Variants in TMEM132C observed in about 807,000 individuals in gnomAD.
TMEM132C encodes transmembrane protein 132C.
In TMEM132C, 29 loss-of-function variants were observed where a neutral mutation model predicts 61.4. That is an observed-to-expected ratio of 0.47 (90% CI 0.35 to 0.64). TMEM132C has a LOEUF of 0.64. Ranked by LOEUF, TMEM132C falls within the 30% of genes least tolerant of loss-of-function variation. TMEM132C has a pLI of 0.00. For synonymous variants in TMEM132C, 656 were observed against 633.1 expected (o/e 1.04, Z -0.54); for missense variants, 1,408 against 1,476.9 (o/e 0.95, Z 0.76).
At chr12:128,664,220 G>GACAGGCACA (rs879446402) in intron 4 of TMEM132C, among the ~76,000 whole-genome samples, 8 of 139,436 alleles carry the variant, frequency 5.7e-5, no homozygotes, top group South Asian at 2.1e-4. Flanking sequence ...ACATGCCTGT[G>GACAGGCACA]TGTGTTCCAT....
At position 128,616,146 on chromosome 12, in the gene TMEM132C, T is replaced by G; in HGVS notation, c.1122-6T>G. 1.3e-6 allele frequency: 2 copies of G among 1,550,774 alleles called. No homozygotes were observed. ...GCTTAAAGCCAGTTTCTTTTCTCTC[T>G]TCCAGGAGCAGCAGTTTATTCAATG... On this transcript the variant is annotated splice_region_variant and splice_polypyrimidine_tract_variant and intron_variant, in intron 3 of 8. Coordinates refer to ENST00000435159, the MANE Select transcript of TMEM132C (RefSeq NM_001136103.3).
chr12:128,387,475 G>A (rs1232611635), intron 1 of TMEM132C, among the ~76,000 whole-genome samples: 2 of 152,108 alleles, frequency 1.3e-5, no homozygotes, highest in African/African-American at 4.8e-5. Flanking sequence ...AGACTCCTCC[G>A]GCAATTCTAA....
In TMEM132C at chr12:128,529,331, G is replaced by T. The variant is rs564602433; in HGVS notation, c.975-14626G>T. ...TCTGGATCTAACAGCTAGTTTAAAGGAAATGCAAAGGATACAAGAAAAAAT... is the reference window on the plus strand; with the variant it reads ...TCTGGATCTAACAGCTAGTTTAAAGTAAATGCAAAGGATACAAGAAAAAAT... On this transcript the variant is annotated intron_variant, in intron 2 of 8. Coordinates refer to ENST00000435159, the MANE Select transcript of TMEM132C (RefSeq NM_001136103.3). Among the ~76,000 whole-genome samples, 49 of 152,084 alleles carry T rather than the reference G, an allele frequency of 3.2e-4. 1 individual carries two copies. Among genetic ancestry groups the T allele is most frequent in the African/African-American group, 1.1e-3 (46 of 41,492 alleles).
intron 1 of TMEM132C, among the ~76,000 whole-genome samples, chr12:128,306,204 TTC>T (rs1871771409): frequency 9.1e-6 from 1 of 109,494 alleles, no homozygotes; most frequent in South Asian, 3.2e-4. Flanking sequence ...TGTGAAGAAA[TTC>T]TTTTTTTTTT....
chr12:128,509,579 G>A (rs759709380), intron 2 of TMEM132C, among the ~76,000 whole-genome samples: 2 of 152,222 alleles, frequency 1.3e-5, no homozygotes, highest in Non-Finnish European at 2.9e-5. Context: ...TTTTGGGATA[G>A]TGAGTTTGGG....
intron 3 of TMEM132C, among the ~76,000 whole-genome samples, chr12:128,560,552 T>G (rs1218286955): frequency 2.6e-5 from 4 of 152,224 alleles, no homozygotes; most frequent in Non-Finnish European, 4.4e-5. Context: ...CAAGAGGCTA[T>G]CTGTGACCAC....
chr12:128,644,741 A>C (rs1227929748), intron 4 of TMEM132C, among the ~76,000 whole-genome samples: 1 of 152,202 alleles, frequency 6.6e-6, no homozygotes, highest in East Asian at 1.9e-4. Flanking sequence ...GTTTTATGGC[A>C]TGTATATTTC....
chr12:128,597,822 C>T (rs190259874), intron 3 of TMEM132C, among the ~76,000 whole-genome samples: 94 of 152,238 alleles, frequency 6.2e-4, no homozygotes, highest in African/African-American at 2.0e-3. Context: ...CTGCCTGAGG[C>T]GGGTGTTTAA....
chr12:128,381,940 T>G (rs1441348404), intron 1 of TMEM132C, among the ~76,000 whole-genome samples: 1 of 152,064 alleles, frequency 6.6e-6, no homozygotes, highest in African/African-American at 2.4e-5. Context: ...GGAAACCGTC[T>G]CGGATACACT....
intron 5 of TMEM132C, among the ~76,000 whole-genome samples, chr12:128,690,647 T>C (rs932189202): frequency 2.6e-5 from 4 of 152,204 alleles, no homozygotes; most frequent in Non-Finnish European, 5.9e-5. Flanking sequence ...GCTAATGCCT[T>C]CCCAGATCCA....
intron 2 of TMEM132C, among the ~76,000 whole-genome samples, chr12:128,509,680 C>A (rs922498672): frequency 5.9e-5 from 9 of 152,044 alleles, no homozygotes; most frequent in Non-Finnish European, 1.3e-4. Flanking sequence ...GTAGGGACGG[C>A]TGGAGAACTA....
chr12:128,354,644 T>C lies in TMEM132C; in HGVS notation c.86-60088T>C, dbSNP rs1018244110. 2.6e-5 allele frequency among the ~76,000 whole-genome samples: 4 copies of C among 151,972 alleles called. No homozygotes were observed. The East Asian group carries it at 5.8e-4, about 22-fold the overall frequency. ...AATAGAAGGAGGACTCAGGAAGAAA[T>C]GGAACTTTCCTGTCCTTCCTAGACA... On this transcript the variant is annotated intron_variant, in intron 1 of 8. Coordinates refer to ENST00000435159, the MANE Select transcript of TMEM132C (RefSeq NM_001136103.3).
chr12:128,412,026 A>G (rs1868571560), intron 1 of TMEM132C, among the ~76,000 whole-genome samples: 1 of 152,198 alleles, frequency 6.6e-6, no homozygotes, highest in Admixed American at 6.5e-5. Flanking sequence ...AAATTTACTC[A>G]CTATCATTCA....
chr12:128,370,895 C>G (rs1166313783), intron 1 of TMEM132C, among the ~76,000 whole-genome samples: 1 of 152,178 alleles, frequency 6.6e-6, no homozygotes, highest in African/African-American at 2.4e-5. Context: ...GAGGAGCTCA[C>G]TATGCCCCAG....
chr12:128,315,914 C>T (rs67442948), intron 1 of TMEM132C, among the ~76,000 whole-genome samples: 54,841 of 151,354 alleles, frequency 0.36, 10,774 homozygotes, highest in Non-Finnish European at 0.44. Flanking sequence ...CGGCATGGAA[C>T]AGATTATCTC....
intron 1 of TMEM132C, among the ~76,000 whole-genome samples, chr12:128,344,824 A>T (rs1231766329): frequency 6.6e-6 from 1 of 152,140 alleles, no homozygotes; most frequent in Non-Finnish European, 1.5e-5. Flanking sequence ...AAATAGGTAG[A>T]TCTAGATATC....
chr12:128,336,619 G>C (rs1872797776), intron 1 of TMEM132C, among the ~76,000 whole-genome samples: 1 of 152,158 alleles, frequency 6.6e-6, no homozygotes, highest in Non-Finnish European at 1.5e-5. Context: ...ACTATGCACA[G>C]GAATGAACTA....
intron 4 of TMEM132C, among the ~76,000 whole-genome samples, chr12:128,658,234 G>A (rs1003218013): frequency 6.6e-6 from 1 of 151,952 alleles, no homozygotes; most frequent in Non-Finnish European, 1.5e-5. Context: ...GAGCAGGGAC[G>A]CAGCTCCCAT....
rs185933798 is a variant in TMEM132C, at chr12:128,487,194, C to T, written c.975-56763C>T. On this transcript the variant is annotated intron_variant, in intron 2 of 8. Coordinates refer to ENST00000435159, the MANE Select transcript of TMEM132C (RefSeq NM_001136103.3). ...GCTATGCTATGGCAGAGTGCCCCGC[C>T]GGTGTCTGGTTCCAGGGAGCTCAGT... Among the ~76,000 whole-genome samples the T allele has an allele frequency of 2.8e-4, 43 of 152,270 alleles. No individual in the cohort carries two copies. The East Asian group carries it at 7.2e-3, about 25-fold the overall frequency.
Sources: allele counts gnomAD v4.1 joint callset (sites outside exome capture counted in the v4.1 genomes callset), GRCh38; gene constraint gnomAD v4.1.1; transcripts MANE v1.5; gene names NCBI Gene and HGNC (gene_info 2026-07-23, HGNC 2026-07-21).